NWD1: variants seen among roughly 807,000 people sequenced by gnomAD.
NWD1 encodes NACHT domain- and WD repeat-containing protein 1.
Under a neutral mutation model 135.1 loss-of-function variants are expected in NWD1, and 129 were observed. That is an observed-to-expected ratio of 0.96 (90% confidence interval 0.83 to 1.11). The LOEUF (loss-of-function observed/expected upper bound fraction) is 1.11, where lower values mean the gene tolerates loss of function less well. NWD1 is among the 50% of genes least tolerant of loss of function. NWD1 has a pLI of 0.00. For synonymous variants in NWD1, 773 were observed against 786.0 expected (o/e 0.98, Z 0.28); for missense variants, 1,740 against 1,851.3 (o/e 0.94, Z 1.10).
chr19:16,752,299 A>G (rs977622934), intron 6 of NWD1, among the ~76,000 whole-genome samples: 1 of 152,092 alleles, frequency 6.6e-6, no homozygotes, highest in African/African-American at 2.4e-5. Flanking sequence ...GGTCAACCCA[A>G]CGAGGAGGTC....
At chr19:16,801,279 CA>C (rs575535194) in intron 17 of NWD1, 15 of 148,272 alleles carry the variant, frequency 1.0e-4, no homozygotes, top group Non-Finnish European at 1.8e-4. Flanking sequence ...AACTCTGTCT[CA>C]AAAAAAAAAT....
At chr19:16,761,906 C>T (rs1657100062) in intron 7 of NWD1, 73 bp from the exon 8 acceptor site, 1 of 1,346,924 alleles carries the variant, frequency 7.4e-7, no homozygotes. Context: ...GGAACTGCCT[C>T]CAGGAAGACA....
chr19:16,743,654 ATATT>A (rs780381926), intron 4 of NWD1, among the ~76,000 whole-genome samples: 2 of 149,752 alleles, frequency 1.3e-5, no homozygotes, highest in Admixed American at 6.6e-5. Flanking sequence ...GAAACCATAC[ATATT>A]TATTTATTTA....
rs1254838704 is a variant in NWD1 at position 16,791,639 on chromosome 19, A to T, written c.3213+17A>T. ...ATCTCTTTGGTAAGCACCTTTACTG[A>T]CTATGATGTGAACATTAACTCAGCT... On this transcript the variant is annotated intron_variant, in intron 14 of 18. Transcript: ENST00000524140. 1.2e-6 allele frequency: 2 copies of T among 1,611,648 alleles called. No homozygotes were observed. Among genetic ancestry groups the T allele is most frequent in the African/African-American group, 2.7e-5 (2 of 74,880 alleles).
intron 16 of NWD1, among the ~76,000 whole-genome samples, chr19:16,799,041 C>T (rs1157312481): frequency 1.3e-5 from 2 of 151,924 alleles, no homozygotes; most frequent in Non-Finnish European, 2.9e-5. Flanking sequence ...CCAGGAGTTC[C>T]CTGGAACACA....
chr19:16,779,256 G>T, intron 11 of NWD1, 87 bp from the exon 12 acceptor site: 1 of 1,476,554 alleles, frequency 6.8e-7, no homozygotes, highest in Non-Finnish European at 9.4e-7. Context: ...TCTTATCTGT[G>T]AAGTGGGGGG....
intron 10 of NWD1, among the ~76,000 whole-genome samples, chr19:16,770,689 T>C (rs931407739): frequency 6.6e-6 from 1 of 152,100 alleles, no homozygotes; most frequent in Non-Finnish European, 1.5e-5. Context: ...CTAGGGCTGC[T>C]GGGAAGAGTA....
Position 16,794,613 on chromosome 19 carries a change from G to T in NWD1, c.3304+60G>T, listed in dbSNP as rs139039123. 6.0e-5 allele frequency: 71 copies of T among 1,192,052 alleles called. No individual in the cohort carries two copies. The African/African-American group carries it at 9.9e-4, about 17-fold the overall frequency. The allele number at this position is 1,192,052 out of a possible 1,614,324, so 73.8% of individuals were successfully genotyped here. A position where few individuals can be genotyped will look rare whatever the true frequency, so the allele number is the denominator to read the frequency against. ...GCTAATCAGGATCAGGTTGGAGAAG[G>T]GGGTGGGGCTTGGGAACAGAGAGAA... On this transcript the variant is annotated intron_variant, in intron 15 of 18. Transcript: ENST00000524140.
At position 16,764,048 on chromosome 19, in the gene NWD1, G is replaced by A. The variant is rs912783159; in HGVS notation, c.2251+103G>A. ...TGAAGGGCAAACATGGAAATCCTTC[G>A]TTCCTCCTAAGGCAGAGGTTCTCAC... On this transcript the variant is annotated intron_variant, in intron 9 of 18. Transcript: ENST00000524140. 4.4e-5 allele frequency: 32 copies of A among 724,200 alleles called. 1 individual carries two copies. Among genetic ancestry groups the A allele is most frequent in the South Asian group, 1.6e-4 (10 of 62,484 alleles). The allele number at this position is 724,200 out of a possible 1,614,324, so 44.9% of individuals were successfully genotyped here. A position where few individuals can be genotyped will look rare whatever the true frequency, so the allele number is the denominator to read the frequency against.
intron 4 of NWD1, among the ~76,000 whole-genome samples, chr19:16,742,301 G>T (rs1359131947): frequency 6.6e-6 from 1 of 152,080 alleles, no homozygotes; most frequent in Non-Finnish European, 1.5e-5. Context: ...CTTGAACTCA[G>T]GAGGCAGAGG....
chr19:16,783,908 A>G (rs1029367961), intron 12 of NWD1, among the ~76,000 whole-genome samples: 1 of 152,084 alleles, frequency 6.6e-6, no homozygotes, highest in Admixed American at 6.6e-5. Flanking sequence ...TAACCTAGAG[A>G]TGATTTAAAA....
At chr19:16,808,172 C>T (rs1568398386) in intron 18 of NWD1, 36 bp downstream of exon 18, 1 of 1,588,396 alleles carries the variant, frequency 6.3e-7, no homozygotes, top group African/African-American at 1.3e-5. Flanking sequence ...ATGCTAGACC[C>T]AGGCATTGGA....
intron 4 of NWD1, among the ~76,000 whole-genome samples, chr19:16,743,175 T>G (rs957693922): frequency 3.3e-5 from 5 of 151,578 alleles, no homozygotes; most frequent in Non-Finnish European, 7.4e-5. Context: ...CCTTCCAAAG[T>G]GTTGAGATTA....
intron 5 of NWD1, among the ~76,000 whole-genome samples, chr19:16,745,358 G>C (rs149294917): frequency 1.6e-3 from 240 of 152,088 alleles, no homozygotes; most frequent in Middle Eastern, 6.9e-3. Context: ...AACCATATCA[G>C]GGGGAGCAAT....
intron 17 of NWD1, among the ~76,000 whole-genome samples, chr19:16,803,452 G>A (rs1283907788): frequency 1.3e-5 from 2 of 152,022 alleles, no homozygotes; most frequent in African/African-American, 4.8e-5. Flanking sequence ...ACTTCAATCA[G>A]GTAGAAAGTA....
chr19:16,776,466 G>A (rs188269520), intron 11 of NWD1, among the ~76,000 whole-genome samples: 1 of 151,988 alleles, frequency 6.6e-6, no homozygotes, highest in African/African-American at 2.4e-5. Context: ...TACTCTGGAG[G>A]CTGAGGCAGG....
chr19:16,815,826 C>A lies in NWD1; in HGVS notation c.*787C>A. On this transcript the variant is annotated 3_prime_UTR_variant, in exon 19 of 19. Coordinates refer to ENST00000524140, the MANE Select transcript of NWD1 (RefSeq NM_001007525.5). ...GATACAGCAAATCACTGATGTGGAC[C>A]ACAGAACCTCACAGTTTATAAAGCT... 1 of 154,430 alleles carries A rather than the reference C, an allele frequency of 6.5e-6. No homozygotes were observed. Among genetic ancestry groups the A allele is most frequent in the Non-Finnish European group, 1.4e-5 (1 of 69,526 alleles). 9.6% of individuals were successfully genotyped at this position (154,430 alleles called of 1,614,324 possible). A position where few individuals can be genotyped will look rare whatever the true frequency, so the allele number is the denominator to read the frequency against.
intron 12 of NWD1, among the ~76,000 whole-genome samples, chr19:16,781,817 G>A (rs1391356256): frequency 6.6e-6 from 1 of 152,092 alleles, no homozygotes; most frequent in Non-Finnish European, 1.5e-5. Flanking sequence ...TCTAGGCCAG[G>A]TGCAGTGGCT....
At chr19:16,773,512 A>T (rs978065944) in intron 11 of NWD1, among the ~76,000 whole-genome samples, 189 bp downstream of exon 11, 1 of 152,134 alleles carries the variant, frequency 6.6e-6, no homozygotes, top group Non-Finnish European at 1.5e-5. Flanking sequence ...AAGGGACTGT[A>T]GATGTCTCAT....
Sources: gnomAD v4.1 joint callset for allele counts (sites outside exome capture counted in the v4.1 genomes callset) on GRCh38, gnomAD v4.1.1 for gene constraint, MANE v1.5 for transcripts, NCBI Gene and HGNC (gene_info 2026-07-23, HGNC 2026-07-21) for gene names.